The following TMEM165 variants were observed in gnomAD, a reference collection of about 807,000 sequenced individuals.
The protein encoded by TMEM165 is putative divalent cation/proton antiporter TMEM165.
TMEM165 carries 19 observed loss-of-function variants against 30.0 expected under a neutral mutation model. That is an observed-to-expected ratio of 0.63 (90% CI 0.44 to 0.93). TMEM165 has a LOEUF of 0.93. Among genes scored for constraint, TMEM165 ranks in the 40% least tolerant of loss-of-function variants. TMEM165 has a pLI of 0.00. For synonymous variants in TMEM165, 168 were observed against 162.9 expected, an observed-to-expected ratio of 1.03 and a Z score of -0.24; for missense variants, 340 against 417.0, an observed-to-expected ratio of 0.82 and a Z score of 1.61.
Position 55,449,575 on chromosome 4 carries a change from G to A in TMEM165, c.409-2664G>A, listed in dbSNP as rs144230426. ...AAGATTAATCTCAAAATGTATTTCA[G>A]TTAATAAAAATGGCTTTTGAATTAT... On this transcript the variant is annotated intron_variant, in intron 3 of 3. Transcript: ENST00000608091. The A allele has an allele frequency of 3.3e-5, 41 of 1,244,764 alleles. No individual in the cohort carries two copies. In the Middle Eastern group the frequency reaches 1.3e-3, roughly 39 times the overall value. The allele number at this position is 1,244,764 out of a possible 1,614,324, so 77.1% of individuals were successfully genotyped here. A position where few individuals can be genotyped will look rare whatever the true frequency, so the allele number is the denominator to read the frequency against.
chr4:55,396,445 G>A (rs944920985), intron 1 of TMEM165, 49 bp downstream of exon 1: 1 of 1,360,888 alleles, frequency 7.3e-7, no homozygotes. Context: ...CGGCTGCGCC[G>A]AGTACCAGGC....
chr4:55,397,575 T>C (rs1481156549), intron 1 of TMEM165, among the ~76,000 whole-genome samples: 1 of 152,196 alleles, frequency 6.6e-6, no homozygotes, highest in East Asian at 1.9e-4. Flanking sequence ...CTACTCTCTG[T>C]GAAGACTTCC....
chr4:55,406,719 A>T (rs1424069719), intron 1 of TMEM165, among the ~76,000 whole-genome samples: 1 of 151,504 alleles, frequency 6.6e-6, no homozygotes, highest in Admixed American at 6.6e-5. Flanking sequence ...GAGTGCAGTG[A>T]TGTCATCTCT....
At chr4:55,419,372 C>T (rs1310026084) in intron 4 of TMEM165, among the ~76,000 whole-genome samples, 1 of 152,162 alleles carries the variant, frequency 6.6e-6, no homozygotes, top group East Asian at 1.9e-4. Flanking sequence ...GAGTGGGAAG[C>T]TAGAGACCTC....
intron 1 of TMEM165, among the ~76,000 whole-genome samples, chr4:55,409,315 G>T (rs940105160): frequency 1.3e-5 from 2 of 152,080 alleles, no homozygotes; most frequent in Admixed American, 1.3e-4. Flanking sequence ...TGCACACTAA[G>T]AATTTATGAT....
intron 1 of TMEM165, 139 bp downstream of exon 1, chr4:55,396,535 C>A: frequency 1.5e-6 from 1 of 673,286 alleles, no homozygotes; most frequent in Non-Finnish European, 2.2e-6. Context: ...GGGTGGAGGG[C>A]GGTCGGCTGC....
At chr4:55,450,920 C>T (rs552536174) in intron 3 of TMEM165, among the ~76,000 whole-genome samples, 1 of 152,192 alleles carries the variant, frequency 6.6e-6, no homozygotes, top group African/African-American at 2.4e-5. Flanking sequence ...ATTGCTTAAG[C>T]CCAGGAGCTA....
intron 1 of TMEM165, among the ~76,000 whole-genome samples, chr4:55,401,493 A>G (rs1720991675): frequency 1.3e-5 from 2 of 150,804 alleles, no homozygotes. Context: ...CTCTGGTTGC[A>G]TAGCACTTCT....
At chr4:55,416,303 A>C (rs895377237) in intron 2 of TMEM165, 2 of 152,176 alleles carry the variant, frequency 1.3e-5, no homozygotes, top group African/African-American at 4.8e-5. Flanking sequence ...GGCCTCCCAG[A>C]GTGCTGGGAT....
intron 2 of TMEM165, 152 bp from the exon 3 acceptor site, chr4:55,416,920 T>A: frequency 1.7e-6 from 1 of 600,316 alleles, no homozygotes. Flanking sequence ...GAGAGAAAGA[T>A]CTGGAAATAC....
At chr4:55,448,601 C>CGCGCGCGTGTGT (rs764071880) in intron 3 of TMEM165, among the ~76,000 whole-genome samples, 19 of 117,038 alleles carry the variant, frequency 1.6e-4, no homozygotes, top group South Asian at 8.7e-4. Flanking sequence ...CGCACGCGCG[C>CGCGCGCGTGTGT]GTGTGTGTGT....
chr4:55,433,140 G>C (rs1366313904), intron 3 of TMEM165: 1 of 152,606 alleles, frequency 6.6e-6, no homozygotes, highest in Non-Finnish European at 1.5e-5. Context: ...ATTTGAAAGG[G>C]GAGAAGAACA....
At chr4:55,403,228 T>C (rs1054214917) in intron 1 of TMEM165, 1 of 1,286,592 alleles carries the variant, frequency 7.8e-7, no homozygotes, top group Non-Finnish European at 1.0e-6. Flanking sequence ...GTTTCTGTTT[T>C]TTTGCAGGGA....
At chr4:55,442,554 C>T in intron 3 of TMEM165, 1 of 1,611,370 alleles carries the variant, frequency 6.2e-7, no homozygotes, top group Non-Finnish European at 8.5e-7. Flanking sequence ...TAGTGTTATA[C>T]AGTGGGGCTG....
intron 1 of TMEM165, among the ~76,000 whole-genome samples, chr4:55,409,590 T>G (rs192054341): frequency 1.2e-3 from 184 of 152,298 alleles, no homozygotes; most frequent in African/African-American, 4.3e-3. Context: ...GTAGGATGTT[T>G]AGCAGCGTTT....
intron 3 of TMEM165, among the ~76,000 whole-genome samples, chr4:55,440,031 T>C (rs191266064): frequency 1.3e-5 from 2 of 152,216 alleles, no homozygotes; most frequent in African/African-American, 4.8e-5. Context: ...TTTTTTAATC[T>C]ATAAAAAAAA....
At chr4:55,431,166 G>A (rs1722476315), downstream of TMEM165, 1 of 152,140 alleles carries the variant, frequency 6.6e-6, no homozygotes, top group Non-Finnish European at 1.5e-5. Flanking sequence ...AAAAGTGTGT[G>A]CTATTCCTTC....
chr4:55,400,242 A>AAC, intron 1 of TMEM165, among the ~76,000 whole-genome samples: 1 of 36,762 alleles, frequency 2.7e-5, no homozygotes, highest in South Asian at 1.1e-3. Flanking sequence ...TAATGTAATT[A>AAC]ATATTATATT....
At chr4:55,447,211 AT>A (rs1420977195) in intron 3 of TMEM165, among the ~76,000 whole-genome samples, 2 of 152,080 alleles carry the variant, frequency 1.3e-5, no homozygotes, top group Non-Finnish European at 2.9e-5. Context: ...TACTAAAAAT[AT>A]AAAAACTAGC....
Sources: allele counts gnomAD v4.1 joint callset (sites outside exome capture counted in the v4.1 genomes callset), GRCh38; gene constraint gnomAD v4.1.1; transcripts MANE v1.5; gene names NCBI Gene and HGNC (gene_info 2026-07-23, HGNC 2026-07-21).